The following ACADM variants were observed in gnomAD, a reference collection of about 807,000 sequenced individuals.
ACADM encodes acyl-CoA dehydrogenase medium chain, also known as medium-chain specific acyl-CoA dehydrogenase, mitochondrial.
Under a neutral mutation model 58.9 loss-of-function variants are expected in ACADM, and 49 were observed. The observed-to-expected ratio is 0.83, with a 90% CI of 0.66 to 1.06. The LOEUF (loss-of-function observed/expected upper bound fraction) is 1.06, where lower values mean the gene tolerates loss of function less well. Among genes scored for constraint, ACADM ranks in the 50% least tolerant of loss-of-function variants. ACADM has a pLI of 0.00. For missense variants in ACADM, 496 were observed against 507.0 expected, an observed-to-expected ratio of 0.98 and a Z score of 0.21; for synonymous variants, 160 against 157.7, an observed-to-expected ratio of 1.01 and a Z score of -0.11.
chr1:75,724,839 C>A lies in ACADM; in HGVS notation c.30+22C>A, dbSNP rs751137059. 8 of 1,465,686 alleles carry A rather than the reference C, an allele frequency of 5.5e-6. No homozygotes were observed. The East Asian group carries it at 1.9e-4, about 35-fold the overall frequency. 90.8% of individuals were successfully genotyped at this position (1,465,686 alleles called of 1,614,324 possible). Reference sequence around the variant, plus strand: ...CAGGGTGAGAGGGAGCCCAGCGGTGCGGTGGGGCTGGAACATGGGTATTGT... The same window carrying A: ...CAGGGTGAGAGGGAGCCCAGCGGTGAGGTGGGGCTGGAACATGGGTATTGT... On this transcript the variant is annotated intron_variant, in intron 1 of 11. Coordinates refer to ENST00000370841, the MANE Select transcript of ACADM (RefSeq NM_000016.6).
chr1:75,748,181 A>G (rs902281539), intron 8 of ACADM, among the ~76,000 whole-genome samples: 1 of 152,208 alleles, frequency 6.6e-6, no homozygotes, highest in African/African-American at 2.4e-5. Context: ...TCATATACAA[A>G]GAGAAAGAGA....
Position 75,728,415 on chromosome 1 carries a change from T to C in ACADM, c.45T>C (p.Ile15=). 1 of 1,613,144 alleles carries C rather than the reference T, an allele frequency of 6.2e-7. No homozygotes were observed. The highest frequency in any genetic ancestry group is 1.1e-5 in the South Asian group (1 of 90,960). The change falls in exon 2 of 12, where the codon ATT becomes ATC. Residue 15 remains isoleucine, a synonymous_variant. Coordinates refer to ENST00000370841, the MANE Select transcript of ACADM (RefSeq NM_000016.6). ...FGRCCRVLRS[I]SRFHWRSQHT... ...GTTCTTTACAGGTCCTGAGAAGTATTTCTCGTTTTCATTGGAGATCACAGC... is the reference window on the plus strand; with the variant it reads ...GTTCTTTACAGGTCCTGAGAAGTATCTCTCGTTTTCATTGGAGATCACAGC...
At chr1:75,752,993 TCA>T (rs1648287949) in intron 10 of ACADM, among the ~76,000 whole-genome samples, 2 of 152,198 alleles carry the variant, frequency 1.3e-5, no homozygotes, top group Admixed American at 6.5e-5. Context: ...GAATCCTGTA[TCA>T]CAGAGCTCGT....
intron 10 of ACADM, among the ~76,000 whole-genome samples, chr1:75,758,437 T>C (rs1648629889): frequency 6.6e-6 from 1 of 152,182 alleles, no homozygotes; most frequent in Non-Finnish European, 1.5e-5. Context: ...AAGATGCATA[T>C]GGCTTCCATG....
chr1:75,728,640 C>G, intron 2 of ACADM, 152 bp downstream of exon 2: 1 of 629,874 alleles, frequency 1.6e-6, no homozygotes, highest in Non-Finnish European at 2.9e-6. Context: ...AACTCACACT[C>G]CATTCTTCCT....
chr1:75,745,529 T>A, intron 7 of ACADM: 1 of 234,890 alleles, frequency 4.3e-6, no homozygotes, highest in East Asian at 8.2e-5. Context: ...TTTCAAAATA[T>A]CATATATACT....
At chr1:75,727,209 CTG>C (rs1647070423) in intron 1 of ACADM, among the ~76,000 whole-genome samples, 1 of 152,164 alleles carries the variant, frequency 6.6e-6, no homozygotes, top group African/African-American at 2.4e-5. Context: ...TTGGAAAGCA[CTG>C]TTTCAATTAC....
At position 75,740,760 on chromosome 1, in the gene ACADM, A is replaced by G. The variant is rs530094056; in HGVS notation, c.599+650A>G. Among the ~76,000 whole-genome samples, 16 of 152,312 alleles carry G rather than the reference A, an allele frequency of 1.1e-4. 1 individual carries two copies. In the East Asian group the frequency reaches 2.7e-3, roughly 26 times the overall value. On this transcript the variant is annotated intron_variant, in intron 7 of 11. Coordinates refer to ENST00000370841, the MANE Select transcript of ACADM (RefSeq NM_000016.6). ...GCCAATGTAATTTTAAGCCAAAGTA[A>G]TAGAAGTACAGCATCAAATAGAGAA...
intron 1 of ACADM, among the ~76,000 whole-genome samples, chr1:75,727,613 A>G (rs1441070668): frequency 1.3e-5 from 2 of 152,160 alleles, no homozygotes; most frequent in Non-Finnish European, 2.9e-5. Flanking sequence ...TTGTTTCTTT[A>G]TATGTTCCTT....
chr1:75,732,861 C>A lies in ACADM; in HGVS notation c.225C>A (p.Val75=), dbSNP rs770293389. 8 of 1,613,170 alleles carry A rather than the reference C, an allele frequency of 5.0e-6. No homozygotes were observed. The South Asian group carries it at 7.7e-5, about 16-fold the overall frequency. ...AEYDKTGEYP[V]PLIRRAWELG... is the part of the protein sequence containing the mutation. ...AGTTCTTTTTCTTCTAGTATCCAGT[C>A]CCCCTAATTAGAAGAGCCTGGGAAC... The change falls in exon 4 of 12, where the codon GTC becomes GTA. Residue 75 remains valine (V), a synonymous_variant. Coordinates refer to ENST00000370841, the MANE Select transcript of ACADM (RefSeq NM_000016.6).
chr1:75,728,259 T>A, intron 1 of ACADM, 142 bp from the exon 2 acceptor site: 1 of 579,818 alleles, frequency 1.7e-6, no homozygotes, highest in South Asian at 2.2e-5. Flanking sequence ...AAATTATGAT[T>A]GAAGGCATTT....
chr1:75,752,519 A>G (rs886657432), intron 10 of ACADM, among the ~76,000 whole-genome samples: 4 of 152,166 alleles, frequency 2.6e-5, no homozygotes, highest in African/African-American at 9.7e-5. Context: ...TTTCTACACT[A>G]TATTCTAGAT....
In ACADM at chr1:75,732,743, T is replaced by C. The variant is rs398123073; in HGVS notation, c.216+2T>C. 8 of 1,611,964 alleles carry C rather than the reference T, an allele frequency of 5.0e-6. No homozygotes were observed. Among genetic ancestry groups the C allele is most frequent in the Non-Finnish European group, 6.8e-6 (8 of 1,178,152 alleles). On this transcript the variant is annotated splice_donor_variant, in intron 3 of 11. Coordinates refer to ENST00000370841, the MANE Select transcript of ACADM (RefSeq NM_000016.6). LOFTEE classifies it high-confidence loss of function. ...GCAGAATATGATAAAACTGGTGAAG[T>C]AGGTATATACATTTTAAAGAGGGAA...
chr1:75,749,316 T>A, intron 8 of ACADM, 103 bp from the exon 9 acceptor site: 1 of 1,199,572 alleles, frequency 8.3e-7, no homozygotes, highest in Middle Eastern at 2.2e-4. Flanking sequence ...AGTTTGTTGA[T>A]CCCTGTTTTA....
At position 75,733,595 on chromosome 1, in the gene ACADM, G is replaced by A; in HGVS notation, c.354G>A (p.Gly118=). Residue 118 remains glycine, a synonymous_variant, in exon 5 of 12, where the codon GGG becomes GGA. Coordinates refer to ENST00000370841, the MANE Select transcript of ACADM (RefSeq NM_000016.6). ...AAGAATTGGCTTATGGATGTACAGG[G>A]GTTCAGACTGCTATTGAAGGAAATT... ...ISEELAYGCT[G]VQTAIEGNSL... 1 of 1,614,020 alleles carries A rather than the reference G, an allele frequency of 6.2e-7. No individual in the cohort carries two copies. Among genetic ancestry groups the A allele is most frequent in the Admixed American group, 1.7e-5 (1 of 60,016 alleles).
rs371787277 is a variant in ACADM at position 75,724,750 on chromosome 1, C to G, written c.-38C>G. 6.5e-7 allele frequency: 1 copy of G among 1,536,588 alleles called. No individual in the cohort carries two copies. Among genetic ancestry groups the G allele is most frequent in the Non-Finnish European group, 8.8e-7 (1 of 1,140,820 alleles). On this transcript the variant is annotated 5_prime_UTR_variant, in exon 1 of 12. Coordinates refer to ENST00000370841, the MANE Select transcript of ACADM (RefSeq NM_000016.6). ...CGGGGAGTATGTCAAGGCCGTGACC[C>G]GTGTATTATTGTCCGAGTGGCCGGA...
intron 10 of ACADM, among the ~76,000 whole-genome samples, chr1:75,759,452 A>G (rs1450938399): frequency 1.3e-5 from 2 of 152,214 alleles, no homozygotes; most frequent in South Asian, 4.1e-4. Context: ...GCCAGGGAAC[A>G]GGAACATATT....
Position 75,731,142 on chromosome 1 carries a change from G to C in ACADM, c.119-1502G>C, listed in dbSNP as rs946288751. On this transcript the variant is annotated intron_variant, in intron 2 of 11. Coordinates refer to ENST00000370841, the MANE Select transcript of ACADM (RefSeq NM_000016.6). ...ACAAAAAAAAAAATTAGCCGGGCGC[G>C]GTGGCAGGCACCTGTAGTCCCAGCT... 3.3e-5 allele frequency among the ~76,000 whole-genome samples: 5 copies of C among 151,792 alleles called. No individual in the cohort carries two copies. In the East Asian group the frequency reaches 9.7e-4, roughly 29 times the overall value.
intron 8 of ACADM, among the ~76,000 whole-genome samples, chr1:75,748,158 A>G (rs1043529640): frequency 2.6e-5 from 4 of 152,234 alleles, no homozygotes; most frequent in African/African-American, 9.6e-5. Context: ...ATGATTTAGC[A>G]TAACACTAAT....
Sources: allele counts gnomAD v4.1 joint callset (sites outside exome capture counted in the v4.1 genomes callset), GRCh38; gene constraint gnomAD v4.1.1; transcripts MANE v1.5; gene names NCBI Gene and HGNC (gene_info 2026-07-23, HGNC 2026-07-21).